Variants in ZMYM4 observed in about 807,000 individuals in gnomAD.
ZMYM4 encodes zinc finger MYM-type containing 4.
Under a neutral mutation model 183.2 loss-of-function variants are expected in ZMYM4, and 31 were observed. The observed-to-expected ratio is 0.17, with a 90% confidence interval of 0.13 to 0.23. The LOEUF is 0.23. Ranked by LOEUF, ZMYM4 falls within the 10% of genes least tolerant of loss-of-function variation. ZMYM4 has a pLI of 1.00. For synonymous variants in ZMYM4, 592 were observed against 631.2 expected, an observed-to-expected ratio of 0.94 and a Z score of 0.93; for missense variants, 1,273 against 1,840.3, an observed-to-expected ratio of 0.69 and a Z score of 5.64.
At chr1:35,292,036 G>A (rs1053094069) in intron 1 of ZMYM4, among the ~76,000 whole-genome samples, 4 of 152,166 alleles carry the variant, frequency 2.6e-5, no homozygotes, top group African/African-American at 9.7e-5. Flanking sequence ...TCTAAAGTTA[G>A]TTGGGAACTG....
At chr1:35,331,083 C>T (rs1642726373) in intron 2 of ZMYM4, among the ~76,000 whole-genome samples, 1 of 148,024 alleles carries the variant, frequency 6.8e-6, no homozygotes. Flanking sequence ...ATGGAACAAA[C>T]AAAAAATAAA....
chr1:35,352,265 GCGCGCACACA>G (rs761491162), intron 2 of ZMYM4, among the ~76,000 whole-genome samples: 7,346 of 85,406 alleles, frequency 0.086, 738 homozygotes, highest in East Asian at 0.41. Context: ...GCGCACGCGC[GCGCGCACACA>G]CACACACACA....
chr1:35,300,342 C>G (rs983594790), intron 1 of ZMYM4, among the ~76,000 whole-genome samples: 1 of 152,136 alleles, frequency 6.6e-6, no homozygotes, highest in Non-Finnish European at 1.5e-5. Context: ...CATTTTCCCC[C>G]AGCTGCATTT....
chr1:35,286,570 G>C (rs983455754), intron 1 of ZMYM4, among the ~76,000 whole-genome samples: 1 of 149,886 alleles, frequency 6.7e-6, no homozygotes, highest in Admixed American at 6.7e-5. Flanking sequence ...ATTCACTCCT[G>C]AGCCTGCCTG....
In ZMYM4 at chr1:35,344,339, C is replaced by T. The variant is rs1335759374; in HGVS notation, c.86-14586C>T. Among the ~76,000 whole-genome samples the T allele has an allele frequency of 2.6e-5, 4 of 152,242 alleles. No homozygotes were observed. The South Asian group carries it at 6.2e-4, about 24-fold the overall frequency. ...TAAGTGCTGGGATTACAGGTGTAAG[C>T]CCCTGTGCCCAGCCGCTAGGATGTT... On this transcript the variant is annotated intron_variant, in intron 2 of 29. Transcript: ENST00000314607.
intron 26 of ZMYM4, among the ~76,000 whole-genome samples, chr1:35,412,250 A>T (rs1639944641): frequency 6.6e-6 from 1 of 152,004 alleles, no homozygotes; most frequent in Non-Finnish European, 1.5e-5. Flanking sequence ...TGTATTGCTT[A>T]TATGCTGCAA....
At chr1:35,367,812 C>G (rs184756698) in intron 5 of ZMYM4, among the ~76,000 whole-genome samples, 5 of 151,954 alleles carry the variant, frequency 3.3e-5, no homozygotes, top group Non-Finnish European at 7.4e-5. Flanking sequence ...CCCATCTCTA[C>G]TAAAAATACA....
chr1:35,405,519 G>T, intron 25 of ZMYM4, 51 bp downstream of exon 25: 2 of 1,347,634 alleles, frequency 1.5e-6, no homozygotes, highest in South Asian at 2.8e-5. Flanking sequence ...TTATTATTGC[G>T]GATTTAAATT....
intron 2 of ZMYM4, among the ~76,000 whole-genome samples, chr1:35,331,479 T>C (rs1006110145): frequency 6.6e-6 from 1 of 152,098 alleles, no homozygotes; most frequent in African/African-American, 2.4e-5. Flanking sequence ...AATTTCAGCA[T>C]TGTTATCAAT....
intron 1 of ZMYM4, among the ~76,000 whole-genome samples, chr1:35,302,164 A>G (rs1196425961): frequency 1.6e-5 from 2 of 125,272 alleles, no homozygotes; most frequent in Non-Finnish European, 3.3e-5. Flanking sequence ...TCGGTAGCCT[A>G]TTTTTGTATT....
intron 1 of ZMYM4, among the ~76,000 whole-genome samples, chr1:35,314,906 T>G (rs898856233): frequency 1.3e-5 from 2 of 151,554 alleles, no homozygotes; most frequent in African/African-American, 4.8e-5. Context: ...GCATCTATAA[T>G]CCCAGCTACT....
In ZMYM4 at chr1:35,385,549, T is replaced by A. The variant is rs1298664052; in HGVS notation, c.1677T>A (p.Val559=). The A allele has an allele frequency of 6.2e-7, 1 of 1,612,634 alleles. No individual in the cohort carries two copies. The change falls in exon 10 of 30, where the codon GTT becomes GTA. Residue 559 remains valine, a synonymous_variant. Transcript: ENST00000314607. Reference sequence around the variant, plus strand: ...GGAAGACAGAGCTTTTCTGTTCTGTTAATTGCTTATCTGCTTACAGAGTTA... The same window carrying A: ...GGAAGACAGAGCTTTTCTGTTCTGTAAATTGCTTATCTGCTTACAGAGTTA... ...SLGKTELFCS[V]NCLSAYRVKM...
chr1:35,295,867 C>T (rs1218254531), intron 1 of ZMYM4: 2 of 152,114 alleles, frequency 1.3e-5, no homozygotes, highest in Non-Finnish European at 2.9e-5. Context: ...GGGTTTTGGC[C>T]ACCAGATTTA....
At chr1:35,282,005 T>C (rs1640194500) in intron 1 of ZMYM4, among the ~76,000 whole-genome samples, 1 of 152,232 alleles carries the variant, frequency 6.6e-6, no homozygotes, top group Non-Finnish European at 1.5e-5. Context: ...TTTTTATGGC[T>C]GCAAAATATT....
chr1:35,368,739 A>G (rs1644144936), intron 5 of ZMYM4, among the ~76,000 whole-genome samples: 1 of 152,144 alleles, frequency 6.6e-6, no homozygotes, highest in Non-Finnish European at 1.5e-5. Context: ...ATTCACAGAG[A>G]TATTCATCGT....
chr1:35,394,830 T>C (rs1215860933), intron 18 of ZMYM4, among the ~76,000 whole-genome samples: 3 of 152,280 alleles, frequency 2.0e-5, no homozygotes, highest in South Asian at 2.1e-4. Context: ...TCCTAGAATT[T>C]TGGCCGATTG....
Position 35,268,756 on chromosome 1 carries a change from G to A in ZMYM4, c.-291G>A, listed in dbSNP as rs1378469047. Among the ~76,000 whole-genome samples the A allele has an allele frequency of 6.6e-6, 1 of 152,230 alleles. No individual in the cohort carries two copies. The highest frequency in any genetic ancestry group is 2.4e-5 in the African/African-American group (1 of 41,466). On this transcript the variant is annotated 5_prime_UTR_variant, in exon 1 of 30. Transcript: ENST00000314607. ...ACCGCAGGCGGAGGAATTTCTCTGA[G>A]AGAAAATAATCCTACTCACGGGGCC...
intron 7 of ZMYM4, 101 bp downstream of exon 7, chr1:35,370,728 T>A: frequency 5.2e-5 from 16 of 304,846 alleles, no homozygotes; most frequent in African/African-American, 3.8e-4. Context: ...CATTTATTCC[T>A]TTTTTTTTTT....
intron 1 of ZMYM4, among the ~76,000 whole-genome samples, chr1:35,318,060 T>G (rs942476617): frequency 3.4e-5 from 5 of 147,346 alleles, no homozygotes; most frequent in African/African-American, 1.0e-4. Flanking sequence ...GGCAGTTTTT[T>G]TTTTTTTTTT....
Sources: gnomAD v4.1 joint callset for allele counts (sites outside exome capture counted in the v4.1 genomes callset) on GRCh38, gnomAD v4.1.1 for gene constraint, MANE v1.5 for transcripts, NCBI Gene and HGNC (gene_info 2026-07-23, HGNC 2026-07-21) for gene names.